The following TRAPPC9 variants were observed in gnomAD, a reference collection of about 807,000 sequenced individuals.
TRAPPC9 encodes the protein trafficking protein particle complex subunit 9.
In TRAPPC9, 83 loss-of-function variants were observed where a neutral mutation model predicts 124.0. The ratio of observed to expected loss-of-function variants is 0.67; its 90% CI spans 0.56 to 0.80. The LOEUF (loss-of-function observed/expected upper bound fraction) is 0.80. TRAPPC9 is among the 30% of genes least tolerant of loss of function. TRAPPC9 has a pLI of 0.00. For synonymous variants in TRAPPC9, 638 were observed against 617.5 expected, an observed-to-expected ratio of 1.03 and a Z score of -0.49; for missense variants, 1,302 against 1,508.3, an observed-to-expected ratio of 0.86 and a Z score of 2.27.
chr8:140,413,501 A>G (rs1371785320), intron 5 of TRAPPC9, among the ~76,000 whole-genome samples: 1 of 151,854 alleles, frequency 6.6e-6, no homozygotes. Context: ...CCTACTGAAG[A>G]ACAAAGTCTT....
In TRAPPC9 at chr8:139,878,602, G is replaced by C. The variant is rs541761481; in HGVS notation, c.3055+7277C>G. Among the ~76,000 whole-genome samples, 4 of 152,260 alleles carry C rather than the reference G, an allele frequency of 2.6e-5. No individual in the cohort carries two copies. In the East Asian group the frequency reaches 7.7e-4, roughly 29 times the overall value. ...ACCTCAGGCTTCAGGGCTGTGGCAG[G>C]GCTCGGAAATAACAACCTAAAGACC... On this transcript the variant is annotated intron_variant, in intron 21 of 22. Transcript: ENST00000438773.
At chr8:139,839,232 G>A (rs1461117290) in intron 21 of TRAPPC9, among the ~76,000 whole-genome samples, 1 of 152,238 alleles carries the variant, frequency 6.6e-6, no homozygotes, top group East Asian at 1.9e-4. Context: ...TGCCACGCTA[G>A]ACACTATGCT....
At chr8:139,868,357 A>G (rs1326244025) in intron 21 of TRAPPC9, among the ~76,000 whole-genome samples, 5 of 152,228 alleles carry the variant, frequency 3.3e-5, no homozygotes, top group Non-Finnish European at 7.3e-5. Flanking sequence ...CTCCATCTCA[A>G]AAATAAATAA....
chr8:140,384,249 T>C (rs1263982925), intron 7 of TRAPPC9, among the ~76,000 whole-genome samples: 3 of 151,642 alleles, frequency 2.0e-5, no homozygotes, highest in Non-Finnish European at 4.4e-5. Context: ...AGAAACTGCA[T>C]CAATTAACGA....
At chr8:140,376,616 C>T (rs909797659) in intron 7 of TRAPPC9, among the ~76,000 whole-genome samples, 27 of 149,910 alleles carry the variant, frequency 1.8e-4, no homozygotes, top group African/African-American at 6.4e-4. Flanking sequence ...TGGCTCATGC[C>T]GATAATCTCA....
At chr8:140,285,402 T>C (rs1367877343) in intron 13 of TRAPPC9, among the ~76,000 whole-genome samples, 1 of 152,218 alleles carries the variant, frequency 6.6e-6, no homozygotes, top group Non-Finnish European at 1.5e-5. Context: ...CTGCTGTCCC[T>C]GCCTCCAGTC....
chr8:140,418,780 AG>A (rs1384079526), intron 5 of TRAPPC9, among the ~76,000 whole-genome samples: 5 of 151,998 alleles, frequency 3.3e-5, no homozygotes, highest in African/African-American at 9.7e-5. Context: ...ATAGACAGAC[AG>A]ACAGACAGAT....
chr8:139,934,183 T>C (rs1587267083), intron 19 of TRAPPC9, among the ~76,000 whole-genome samples: 2 of 152,200 alleles, frequency 1.3e-5, no homozygotes, highest in South Asian at 2.1e-4. Flanking sequence ...CAGCCACTGT[T>C]TTAGGCAAAT....
chr8:140,212,182 A>C (rs2131258706), intron 17 of TRAPPC9, among the ~76,000 whole-genome samples: 1 of 152,344 alleles, frequency 6.6e-6, no homozygotes, highest in African/African-American at 2.4e-5. Context: ...GGCCTCAGGC[A>C]AGCGCAGGCC....
intron 16 of TRAPPC9, among the ~76,000 whole-genome samples, chr8:140,237,493 G>A (rs921968975): frequency 6.6e-6 from 1 of 151,912 alleles, no homozygotes; most frequent in East Asian, 1.9e-4. Context: ...AAAACTGTAA[G>A]TCCAGTTAAA....
chr8:139,894,600 C>G (rs528454703), intron 20 of TRAPPC9, among the ~76,000 whole-genome samples: 2 of 152,184 alleles, frequency 1.3e-5, no homozygotes, highest in African/African-American at 4.8e-5. Context: ...GCAGCCCCCA[C>G]AGAACAGAGC....
At chr8:139,862,966 G>A (rs1380830403) in intron 21 of TRAPPC9, among the ~76,000 whole-genome samples, 2 of 152,252 alleles carry the variant, frequency 1.3e-5, no homozygotes, top group Admixed American at 6.5e-5. Context: ...TGTGGCAGAG[G>A]CACAGGGATG....
chr8:140,107,809 T>G (rs1386616578), intron 17 of TRAPPC9, among the ~76,000 whole-genome samples: 1 of 152,182 alleles, frequency 6.6e-6, no homozygotes, highest in Non-Finnish European at 1.5e-5. Context: ...CATGGCGCAC[T>G]CTGACTGGGG....
At chr8:139,905,901 T>G (rs906762454) in intron 20 of TRAPPC9, among the ~76,000 whole-genome samples, 1 of 151,972 alleles carries the variant, frequency 6.6e-6, no homozygotes, top group East Asian at 1.9e-4. Context: ...CAGACCATTA[T>G]GGCCAACATG....
intron 21 of TRAPPC9, among the ~76,000 whole-genome samples, chr8:139,835,935 C>G (rs976337081): frequency 3.3e-5 from 5 of 152,172 alleles, no homozygotes; most frequent in African/African-American, 1.2e-4. Flanking sequence ...CTATATCTAC[C>G]TACCCATCTA....
chr8:139,903,298 T>C (rs1831135334), intron 20 of TRAPPC9, among the ~76,000 whole-genome samples: 1 of 152,078 alleles, frequency 6.6e-6, no homozygotes. Context: ...AGCAGCCAAA[T>C]TGGTTAAAAA....
chr8:140,043,406 T>G (rs1841385541), intron 17 of TRAPPC9, among the ~76,000 whole-genome samples: 1 of 152,166 alleles, frequency 6.6e-6, no homozygotes, highest in South Asian at 2.1e-4. Context: ...AAAATGAGGC[T>G]TAAAGAGCAT....
At chr8:139,902,345 C>T (rs2131227053) in intron 20 of TRAPPC9, among the ~76,000 whole-genome samples, 1 of 152,332 alleles carries the variant, frequency 6.6e-6, no homozygotes, top group Admixed American at 6.5e-5. Flanking sequence ...TACCCTCCAG[C>T]CCACCGAAGG....
chr8:139,942,976 G>C (rs1174090981), intron 19 of TRAPPC9, among the ~76,000 whole-genome samples: 5 of 152,216 alleles, frequency 3.3e-5, no homozygotes, highest in Admixed American at 3.3e-4. Flanking sequence ...GCTTACTCCT[G>C]AACCTGGTGT....
Sources: allele counts gnomAD v4.1 joint callset (sites outside exome capture counted in the v4.1 genomes callset), GRCh38; gene constraint gnomAD v4.1.1; transcripts MANE v1.5; gene names NCBI Gene and HGNC (gene_info 2026-07-23, HGNC 2026-07-21).